Variants in MFSD6L observed in about 807,000 individuals in gnomAD.
MFSD6L encodes the protein major facilitator superfamily domain-containing protein 6-like.
A neutral mutation model predicts 6.4 loss-of-function variants in MFSD6L; 9 were observed. That is an observed-to-expected ratio of 1.42 (90% confidence interval 0.85 to 2.47). MFSD6L has a LOEUF of 2.47. MFSD6L is among the 30% of genes most tolerant of loss of function. The pLI is 0.00. For synonymous variants in MFSD6L, 336 were observed against 322.4 expected (o/e 1.04, Z -0.45); for missense variants, 747 against 730.6 (o/e 1.02, Z -0.26).
chr17:8,797,927 G>A lies in MFSD6L; in HGVS notation c.1194C>T (p.Ser398=), dbSNP rs142821573. 1,583 of 1,613,910 alleles carry A rather than the reference G, an allele frequency of 9.8e-4. 1 individual carries two copies. The highest frequency in any genetic ancestry group is 1.3e-3 in the Non-Finnish European group (1,503 of 1,179,978). ...CCGAGAAACCCATGACCAGCTCGCC[G>A]CTCCCATGGTCCTTCATGTGCCAGA... ...FLFWHMKDHG[S]GELVMGFSVA... Residue 398 remains serine, a synonymous_variant, in exon 1 of 1, where the codon AGC becomes AGT. Coordinates refer to ENST00000329805, the MANE Select transcript of MFSD6L (RefSeq NM_152599.4).
rs148199080 is a variant in MFSD6L at position 8,797,852 on chromosome 17, T to C, written c.1269A>G (p.Thr423=). ...CCGTCCTGGACAGTTTCCTAAGCAA[T>C]GTAGCTTTGAACGGATGAAGCAGAA... The part of the protein sequence containing the change: ...GEILLHPFKA[T]LLRKLSRTGL... Residue 423 remains threonine (T), a synonymous_variant, in exon 1 of 1, where the codon ACA becomes ACG. Coordinates refer to ENST00000329805, the MANE Select transcript of MFSD6L (RefSeq NM_152599.4). 2.9e-5 allele frequency: 46 copies of C among 1,613,598 alleles called. No individual in the cohort carries two copies. In the African/African-American group the frequency reaches 5.5e-4, roughly 19 times the overall value.
In MFSD6L at chr17:8,797,618, C is replaced by A; in HGVS notation, c.1503G>T (p.Gly501=). ...LSALFRGHFY[G]SGCSLGSFVG... is the part of the protein sequence containing the mutation. ...CAAAGCTGCCCAGGCTACAGCCACT[C>A]CCGTAAAAGTGGCCTCGGAACAAGG... The change falls in exon 1 of 1, where the codon GGG becomes GGT. Residue 501 remains glycine (G), a synonymous_variant. Transcript: ENST00000329805. The A allele has an allele frequency of 1.2e-6, 2 of 1,613,466 alleles. No individual in the cohort carries two copies. Among genetic ancestry groups the A allele is most frequent in the Non-Finnish European group, 1.7e-6 (2 of 1,180,012 alleles).
In MFSD6L at chr17:8,797,992, A is replaced by C. The variant is rs892415352; in HGVS notation, c.1129T>G (p.Leu377Val). 4.3e-6 allele frequency: 7 copies of C among 1,613,780 alleles called. No individual in the cohort carries two copies. The African/African-American group carries it at 9.4e-5, about 22-fold the overall frequency. ...HLILLASTTV[L>V]VGAIVSTVQN... is the part of the protein sequence containing the mutation. ...ACAGTACTGACGATGGCTCCTACCA[A>C]AACAGTGGTGGAGGCGAGGAGAATG... The change falls in exon 1 of 1, where the codon TTG (leucine) becomes GTG (valine). Residue 377 changes from leucine to valine, a missense_variant. Coordinates refer to ENST00000329805, the MANE Select transcript of MFSD6L (RefSeq NM_152599.4).
rs1045832407 is a variant in MFSD6L, at chr17:8,797,946, T to C, written c.1175A>G (p.His392Arg). ...CTCGCCGCTCCCATGGTCCTTCATGTGCCAGAACAGAAAGTTCTGGACAGT... is the reference window on the plus strand; with the variant it reads ...CTCGCCGCTCCCATGGTCCTTCATGCGCCAGAACAGAAAGTTCTGGACAGT... ...VSTVQNFLFW[H>R]MKDHGSGELV... The change falls in exon 1 of 1, where the codon CAC becomes CGC. Residue 392 changes from histidine to arginine, a missense_variant. His to Arg is a conservative substitution (Grantham distance 29). Coordinates refer to ENST00000329805, the MANE Select transcript of MFSD6L (RefSeq NM_152599.4). 5 of 1,613,858 alleles carry C rather than the reference T, an allele frequency of 3.1e-6. No individual in the cohort carries two copies. Among genetic ancestry groups the C allele is most frequent in the Non-Finnish European group, 4.2e-6 (5 of 1,179,992 alleles).
Position 8,797,685 on chromosome 17 carries a change from A to T in MFSD6L, c.1436T>A (p.Val479Glu). The change falls in exon 1 of 1, where the codon GTA (valine) becomes GAA (glutamate). Residue 479 changes from valine (V) to glutamate (E), a missense_variant. Val to Glu is a moderately radical substitution (Grantham distance 121). Coordinates refer to ENST00000329805, the MANE Select transcript of MFSD6L (RefSeq NM_152599.4). ...RALWWAVGAS[V>E]EDLATPRMER... is the part of the protein sequence containing the mutation. ...CATGCGGGGAGTGGCCAGGTCCTCT[A>T]CTGAGGCCCCCACAGCCCACCACAA... 1.9e-6 allele frequency: 3 copies of T among 1,613,720 alleles called. No homozygotes were observed. Among genetic ancestry groups the T allele is most frequent in the Non-Finnish European group, 2.5e-6 (3 of 1,180,010 alleles).
At position 8,798,804 on chromosome 17, in the gene MFSD6L, T is replaced by G. The variant is rs370813681; in HGVS notation, c.317A>C (p.His106Pro). 8 of 1,614,008 alleles carry G rather than the reference T, an allele frequency of 5.0e-6. No homozygotes were observed. The East Asian group carries it at 8.9e-5, about 18-fold the overall frequency. ...LVPPVDKNRV[H>P]FPCNGSSGLT... is the part of the protein sequence containing the mutation. ...GCCGCTGCTTCCATTACAAGGGAAG[T>G]GCACCCGATTTTTGTCTACCGGTGG... The change falls in exon 1 of 1, where the codon CAC becomes CCC. Residue 106 changes from histidine (H) to proline (P), a missense_variant. Transcript: ENST00000329805.
chr17:8,797,378 C>T lies in MFSD6L; in HGVS notation c.1743G>A (p.Arg581=). The T allele has an allele frequency of 6.4e-7, 1 of 1,566,638 alleles. No individual in the cohort carries two copies. Among genetic ancestry groups the T allele is most frequent in the Non-Finnish European group, 8.6e-7 (1 of 1,156,852 alleles). The part of the protein sequence containing the change: ...TEQDWLVKAM[R]EEHSD ...AGCCCTTTCAGTCTGAGTGTTCCTCCCTCATGGCCTTCACAAGCCAGTCCT... is the reference window on the plus strand; with the variant it reads ...AGCCCTTTCAGTCTGAGTGTTCCTCTCTCATGGCCTTCACAAGCCAGTCCT... The change falls in exon 1 of 1, where the codon AGG becomes AGA. Residue 581 remains arginine, a synonymous_variant. Coordinates refer to ENST00000329805, the MANE Select transcript of MFSD6L (RefSeq NM_152599.4).
In MFSD6L at chr17:8,797,564, G is replaced by T. The variant is rs1274085377; in HGVS notation, c.1557C>A (p.Ser519Arg). 2 of 1,613,512 alleles carry T rather than the reference G, an allele frequency of 1.2e-6. No homozygotes were observed. Among genetic ancestry groups the T allele is most frequent in the Non-Finnish European group, 1.7e-6 (2 of 1,179,778 alleles). ...FVGGFVVMRF[S>R]LAVLYQACCV... ...AGCAGGCCTGGTAGAGCACAGCCAG[G>T]CTGAAGCGCATCACCACGAAGCCCC... is the stretch of plus-strand genomic sequence containing the variant. Residue 519 changes from serine to arginine, a missense_variant, in exon 1 of 1, where the codon AGC becomes AGA. Ser to Arg is a moderately radical substitution (Grantham distance 110). Transcript: ENST00000329805.
chr17:8,797,355 C>G lies in MFSD6L; in HGVS notation c.*5G>C. On this transcript the variant is annotated 3_prime_UTR_variant, in exon 1 of 1. Transcript: ENST00000329805. ...GATCAGCACACTCTGGATTTCTCAGCCCTTTCAGTCTGAGTGTTCCTCCCT... is the reference window on the plus strand; with the variant it reads ...GATCAGCACACTCTGGATTTCTCAGGCCTTTCAGTCTGAGTGTTCCTCCCT... 6.5e-7 allele frequency: 1 copy of G among 1,544,406 alleles called. No homozygotes were observed. Among genetic ancestry groups the G allele is most frequent in the Non-Finnish European group, 8.7e-7 (1 of 1,146,126 alleles).
Position 8,798,463 on chromosome 17 carries a change from C to CG in MFSD6L, c.657dup (p.Gly220ArgfsTer17), listed in dbSNP as rs779789777. On this transcript the variant is annotated frameshift_variant, in exon 1 of 1. Coordinates refer to ENST00000329805, the MANE Select transcript of MFSD6L (RefSeq NM_152599.4). LOFTEE classifies it low-confidence loss of function (END_TRUNC). The stretch of plus-strand genomic sequence containing the variant: ...GTCCCTGACAAATTGGCTGGATTCC[C>CG]GGGCCCTTTCCCCCCAGGAAGCAAG... 9 of 1,606,782 alleles carry CG rather than the reference C, an allele frequency of 5.6e-6. No individual in the cohort carries two copies. Among genetic ancestry groups the CG allele is most frequent in the Non-Finnish European group, 6.0e-6 (7 of 1,175,716 alleles).
At position 8,798,973 on chromosome 17, in the gene MFSD6L, T is replaced by C; in HGVS notation, c.148A>G (p.Thr50Ala). The C allele has an allele frequency of 6.2e-7, 1 of 1,613,824 alleles. No homozygotes were observed. The highest frequency in any genetic ancestry group is 8.5e-7 in the Non-Finnish European group (1 of 1,179,952). ...QLGLAAPWVG[T>A]LMGTKHLIAA... ...ATTAGGTGCTTGGTTCCCATTAGGG[T>C]GCCCACCCAGGGCGCGGCCAAGCCC... The change falls in exon 1 of 1, where the codon ACC (threonine) becomes GCC (alanine). Residue 50 changes from threonine (T) to alanine (A), a missense_variant. Coordinates refer to ENST00000329805, the MANE Select transcript of MFSD6L (RefSeq NM_152599.4).
In MFSD6L at chr17:8,797,789, C is replaced by G. The variant is rs1428188829; in HGVS notation, c.1332G>C (p.Gln444His). Residue 444 changes from glutamine to histidine, a missense_variant, in exon 1 of 1, where the codon CAG becomes CAC. Transcript: ENST00000329805. ...TCCAGAGGAAAGAGTAGTACAGCAG[C>G]TGCCCAGCGAGGCAGCTCAGCCCCA... ...VGLGLSCLAG[Q>H]LLYYSFLWSW... 6.2e-7 allele frequency: 1 copy of G among 1,613,922 alleles called. No individual in the cohort carries two copies. Among genetic ancestry groups the G allele is most frequent in the Non-Finnish European group, 8.5e-7 (1 of 1,180,036 alleles).
Position 8,798,081 on chromosome 17 carries a change from T to C in MFSD6L, c.1040A>G (p.Gln347Arg). ...VSIAFPIPIC[Q>R]QWEPSYKRVK... Reference sequence around the variant, plus strand: ...CCTTTTGTAGCTGGGCTCCCACTGCTGACAGATGGGAATGGGAAAGGCAAT... The same window carrying C: ...CCTTTTGTAGCTGGGCTCCCACTGCCGACAGATGGGAATGGGAAAGGCAAT... Residue 347 changes from glutamine (Q) to arginine (R), a missense_variant, in exon 1 of 1, where the codon CAG becomes CGG. Gln to Arg is a conservative substitution (Grantham distance 43). Transcript: ENST00000329805. The C allele has an allele frequency of 1.2e-6, 2 of 1,613,952 alleles. No individual in the cohort carries two copies. The highest frequency in any genetic ancestry group is 1.7e-6 in the Non-Finnish European group (2 of 1,179,970).
At position 8,798,280 on chromosome 17, in the gene MFSD6L, T is replaced by C; in HGVS notation, c.841A>G (p.Thr281Ala). Reference sequence around the variant, plus strand: ...ACCCACAGGCTTCTGTATCGGTCAGTGGCATCCACAAAATCCAGGAACTCA... The same window carrying C: ...ACCCACAGGCTTCTGTATCGGTCAGCGGCATCCACAAAATCCAGGAACTCA... ...LYEFLDFVDA[T>A]DRYRSLWVWR... The change falls in exon 1 of 1, where the codon ACT (threonine) becomes GCT (alanine). Residue 281 changes from threonine to alanine, a missense_variant. By Grantham distance (58) the Thr-to-Ala change is moderately conservative. Coordinates refer to ENST00000329805, the MANE Select transcript of MFSD6L (RefSeq NM_152599.4). The C allele has an allele frequency of 6.2e-7, 1 of 1,607,946 alleles. No homozygotes were observed. The highest frequency in any genetic ancestry group is 8.5e-7 in the Non-Finnish European group (1 of 1,180,002).
At position 8,797,657 on chromosome 17, in the gene MFSD6L, C is replaced by A. The variant is rs748741187; in HGVS notation, c.1464G>T (p.Glu488Asp). 11 of 1,613,378 alleles carry A rather than the reference C, an allele frequency of 6.8e-6. No homozygotes were observed. Among genetic ancestry groups the A allele is most frequent in the Non-Finnish European group, 9.3e-6 (11 of 1,180,016 alleles). ...SVEDLATPRM[E>D]RALSALFRGH... ...CTCGGAACAAGGCACTCAGAGCCCT[C>A]TCCATGCGGGGAGTGGCCAGGTCCT... The change falls in exon 1 of 1, where the codon GAG becomes GAT. Residue 488 changes from glutamate (E) to aspartate (D), a missense_variant. By Grantham distance (45) the Glu-to-Asp change is conservative. Transcript: ENST00000329805.
rs1199093600 is a variant in MFSD6L at position 8,798,420 on chromosome 17, G to A, written c.701C>T (p.Ala234Val). The change falls in exon 1 of 1, where the codon GCT (alanine) becomes GTT (valine). Residue 234 changes from alanine to valine, a missense_variant. Physicochemically the swap from Ala to Val is moderately conservative, Grantham distance 64 (BLOSUM62 0). Transcript: ENST00000329805. The part of the protein sequence containing the change: ...NLSGTKGKAW[A>V]FDLSLEALRR... ...CAACGCCTCCAAGGACAGGTCAAAA[G>A]CCCAGGCTTTCCCCTTGGTCCCTGA... is the stretch of plus-strand genomic sequence containing the variant. 6.2e-7 allele frequency: 1 copy of A among 1,608,768 alleles called. No individual in the cohort carries two copies. Among genetic ancestry groups the A allele is most frequent in the African/African-American group, 1.3e-5 (1 of 74,630 alleles).
chr17:8,798,075 C>T lies in MFSD6L; in HGVS notation c.1046G>A (p.Trp349Ter). 6.2e-7 allele frequency: 1 copy of T among 1,614,156 alleles called. No homozygotes were observed. The highest frequency in any genetic ancestry group is 2.2e-5 in the East Asian group (1 of 44,860). Residue 349 changes from tryptophan (W) to a stop codon, truncating the protein, a stop_gained, in exon 1 of 1, where the codon TGG becomes TAG. Transcript: ENST00000329805. LOFTEE classifies it low-confidence loss of function (END_TRUNC). ...IAFPIPICQQ[W>*]EPSYKRVKAL... is the part of the protein sequence containing the mutation. ...TTTGACCCTTTTGTAGCTGGGCTCC[C>T]ACTGCTGACAGATGGGAATGGGAAA...
Position 8,798,384 on chromosome 17 carries a change from A to C in MFSD6L, c.737T>G (p.Phe246Cys). The change falls in exon 1 of 1, where the codon TTT becomes TGT. Residue 246 changes from phenylalanine (F) to cysteine (C), a missense_variant. By Grantham distance (205) the Phe-to-Cys change is radical (BLOSUM62 -2). Coordinates refer to ENST00000329805, the MANE Select transcript of MFSD6L (RefSeq NM_152599.4). ...CGCCACGGACCCCAAGGAGAGGATA[A>C]AAGTCCGCCGCAACGCCTCCAAGGA... ...DLSLEALRRT[F>C]ILSLGSVAFW... The C allele has an allele frequency of 1.2e-6, 2 of 1,612,584 alleles. No homozygotes were observed.
chr17:8,798,046 G>C lies in MFSD6L; in HGVS notation c.1075C>G (p.Leu359Val). 1 of 1,614,128 alleles carries C rather than the reference G, an allele frequency of 6.2e-7. No individual in the cohort carries two copies. The highest frequency in any genetic ancestry group is 8.5e-7 in the Non-Finnish European group (1 of 1,180,044). The part of the protein sequence containing the change: ...WEPSYKRVKA[L>V]SIVGGDPHLI... Reference sequence around the variant, plus strand: ...TGGGGGTCACCCCCCACAATGGACAGTGCTTTGACCCTTTTGTAGCTGGGC... The same window carrying C: ...TGGGGGTCACCCCCCACAATGGACACTGCTTTGACCCTTTTGTAGCTGGGC... The change falls in exon 1 of 1, where the codon CTG becomes GTG. Residue 359 changes from leucine to valine, a missense_variant. Transcript: ENST00000329805.
Sources: gnomAD v4.1 joint callset for allele counts on GRCh38, gnomAD v4.1.1 for gene constraint, MANE v1.5 for transcripts, NCBI Gene and HGNC (gene_info 2026-07-23, HGNC 2026-07-21) for gene names.